Variants in IL1RAPL1 observed in about 807,000 individuals in gnomAD.
IL1RAPL1 encodes interleukin 1 receptor accessory protein like 1, also known as interleukin-1 receptor accessory protein-like 1.
Under a neutral mutation model 48.4 loss-of-function variants are expected in IL1RAPL1, and 3 were observed. The ratio of observed to expected loss-of-function variants is 0.06; its 90% CI spans 0.03 to 0.16. The LOEUF (loss-of-function observed/expected upper bound fraction) is 0.16, where lower values mean the gene tolerates loss of function less well. IL1RAPL1 is among the 10% of genes least tolerant of loss of function. The probability of loss-of-function intolerance (pLI) is 1.00; values close to 1 mark genes in which losing one functional copy is unlikely to be tolerated. For missense variants in IL1RAPL1, 349 were observed against 530.6 expected, an observed-to-expected ratio of 0.66 and a Z score of 3.36; for synonymous variants, 185 against 187.7, an observed-to-expected ratio of 0.99 and a Z score of 0.12.
intron 5 of IL1RAPL1, among the ~76,000 whole-genome samples, chrX:29,558,430 G>C (rs891056563): frequency 2.7e-5 from 3 of 111,205 alleles, no homozygotes; most frequent in Non-Finnish European, 5.7e-5. Flanking sequence ...ATATATATTT[G>C]GATATTAACC....
rs778913919 is a variant in IL1RAPL1, at chrX:29,285,524, C to CAAAA, written c.362+2336_362+2339dup. Among the ~76,000 whole-genome samples, 23 of 11,585 alleles carry CAAAA rather than the reference C, an allele frequency of 2.0e-3. 4 individuals carry two copies. The highest frequency in any genetic ancestry group is 4.6e-3 in the African/African-American group (10 of 2,158). 10.1% of individuals were successfully genotyped at this position (11,585 alleles called of 115,157 possible). A position where few individuals can be genotyped will look rare whatever the true frequency, so the allele number is the denominator to read the frequency against. ...TGGCAACAAGAGCCAAACTCCGTCTCAAAAAAAAAAAAAAAAAAAAAAAAA... is the reference window on the plus strand; with the variant it reads ...TGGCAACAAGAGCCAAACTCCGTCTCAAAAAAAAAAAAAAAAAAAAAAAAAAAAA... On this transcript the variant is annotated intron_variant, in intron 3 of 10. Coordinates refer to ENST00000378993, the MANE Select transcript of IL1RAPL1 (RefSeq NM_014271.4).
At chrX:28,934,086 A>G (rs938330150) in intron 2 of IL1RAPL1, among the ~76,000 whole-genome samples, 3 of 110,927 alleles carry the variant, frequency 2.7e-5, no homozygotes, top group East Asian at 2.9e-4. Context: ...CAAACCTCCT[A>G]TCTCATCCTG....
chrX:29,278,898 A>T (rs926013651), intron 2 of IL1RAPL1, among the ~76,000 whole-genome samples: 1 of 112,298 alleles, frequency 8.9e-6, no homozygotes, highest in African/African-American at 3.2e-5. Flanking sequence ...CTATATTTTT[A>T]AAGTCTTTAT....
intron 6 of IL1RAPL1, among the ~76,000 whole-genome samples, chrX:29,709,265 G>C (rs1487336336): frequency 9.0e-6 from 1 of 111,567 alleles, no homozygotes; most frequent in Non-Finnish European, 1.9e-5. Flanking sequence ...AGTAGCTTTA[G>C]AGTTTCAGGT....
intron 2 of IL1RAPL1, among the ~76,000 whole-genome samples, chrX:29,086,007 T>C (rs16988439): frequency 0.24 from 27,285 of 111,542 alleles, 3,121 homozygotes; most frequent in African/African-American, 0.45. Context: ...TCCATCATTA[T>C]ACAGAGGCAT....
intron 2 of IL1RAPL1, among the ~76,000 whole-genome samples, chrX:29,197,593 T>C (rs1325248518): frequency 1.8e-5 from 2 of 112,030 alleles, no homozygotes; most frequent in Non-Finnish European, 3.8e-5. Flanking sequence ...ATAGGGCATG[T>C]GAGTGACATT....
chrX:28,659,201 C>T, intron 1 of IL1RAPL1: 2 of 754,569 alleles, frequency 2.7e-6, no homozygotes, highest in South Asian at 4.3e-5. Context: ...CTGCAAAGCA[C>T]CGATAGCTGC....
chrX:29,179,874 G>C (rs1395600363), intron 2 of IL1RAPL1, among the ~76,000 whole-genome samples: 1 of 111,135 alleles, frequency 9.0e-6, no homozygotes, highest in Non-Finnish European at 1.9e-5. Context: ...TACCTGGAGG[G>C]CTTGCTAAAA....
intron 2 of IL1RAPL1, among the ~76,000 whole-genome samples, chrX:29,043,520 T>G (rs1315318509): frequency 9.0e-6 from 1 of 111,501 alleles, no homozygotes; most frequent in African/African-American, 3.3e-5. Flanking sequence ...TCTAAAGCCC[T>G]GACTGGAATC....
intron 3 of IL1RAPL1, among the ~76,000 whole-genome samples, chrX:29,317,349 G>A (rs1280991575): frequency 8.9e-6 from 1 of 112,363 alleles, no homozygotes; most frequent in African/African-American, 3.2e-5. Context: ...TCCCTGGAAG[G>A]TCAGAGGGCC....
intron 2 of IL1RAPL1, among the ~76,000 whole-genome samples, chrX:28,852,946 A>T (rs1921701898): frequency 9.0e-6 from 1 of 110,543 alleles, no homozygotes; most frequent in African/African-American, 3.3e-5. Context: ...TACACTGAGA[A>T]CTCTTTATTA....
intron 3 of IL1RAPL1, among the ~76,000 whole-genome samples, chrX:29,376,393 A>G (rs1933623365): frequency 9.2e-6 from 1 of 109,133 alleles, no homozygotes; most frequent in African/African-American, 3.3e-5. Flanking sequence ...TTTTTTTAGA[A>G]AGTGTCTCAC....
intron 3 of IL1RAPL1, among the ~76,000 whole-genome samples, chrX:29,300,488 T>C (rs1235528567): frequency 8.9e-6 from 1 of 112,497 alleles, no homozygotes; most frequent in African/African-American, 3.2e-5. Context: ...ACTATTTACC[T>C]CTTAGGCTAA....
intron 5 of IL1RAPL1, among the ~76,000 whole-genome samples, chrX:29,466,127 A>G (rs973268412): frequency 1.8e-5 from 2 of 112,578 alleles, no homozygotes; most frequent in Non-Finnish European, 3.7e-5. Context: ...TTTAAAATTC[A>G]AATTTAACCA....
At chrX:29,292,705 C>T (rs1165601769) in intron 3 of IL1RAPL1, among the ~76,000 whole-genome samples, 1 of 110,930 alleles carries the variant, frequency 9.0e-6, no homozygotes, top group Non-Finnish European at 1.9e-5. Context: ...TTCCAAGGAT[C>T]TAGTGTAGTT....
At chrX:29,028,342 C>T (rs1237677693) in intron 2 of IL1RAPL1, among the ~76,000 whole-genome samples, 1 of 97,476 alleles carries the variant, frequency 1.0e-5, no homozygotes, top group Admixed American at 1.2e-4. Flanking sequence ...GGCTGGAGTG[C>T]AGTGGCACAG....
chrX:29,649,697 A>G (rs1309834337), intron 5 of IL1RAPL1, among the ~76,000 whole-genome samples: 1 of 111,769 alleles, frequency 8.9e-6, no homozygotes, highest in Non-Finnish European at 1.9e-5. Context: ...AAGATCTGGA[A>G]CAAGATATGG....
intron 5 of IL1RAPL1, among the ~76,000 whole-genome samples, chrX:29,480,308 A>ATATATT (rs1244799047): frequency 2.0e-5 from 2 of 101,152 alleles, no homozygotes; most frequent in Non-Finnish European, 3.9e-5. Context: ...ATATATATAT[A>ATATATT]TATATATATG....
At chrX:29,026,916 G>T (rs1342503723) in intron 2 of IL1RAPL1, among the ~76,000 whole-genome samples, 1 of 111,549 alleles carries the variant, frequency 9.0e-6, no homozygotes, top group Non-Finnish European at 1.9e-5. Flanking sequence ...TAGCTTAATT[G>T]AATGGAAGGA....
Sources: gnomAD v4.1 joint callset for allele counts (sites outside exome capture counted in the v4.1 genomes callset) on GRCh38, gnomAD v4.1.1 for gene constraint, MANE v1.5 for transcripts, NCBI Gene and HGNC (gene_info 2026-07-23, HGNC 2026-07-21) for gene names.